Variants in CABIN1 observed in about 807,000 individuals in gnomAD.
CABIN1 encodes the protein calcineurin binding protein 1, also known as calcineurin-binding protein cabin-1.
In CABIN1, 133 loss-of-function variants were observed where a neutral mutation model predicts 227.7. The ratio of observed to expected loss-of-function variants is 0.58; its 90% CI spans 0.51 to 0.67. The LOEUF (loss-of-function observed/expected upper bound fraction) is 0.67. CABIN1 is among the 30% of genes least tolerant of loss of function. The probability of loss-of-function intolerance (pLI) is 0.00; values close to 1 mark genes in which losing one functional copy is unlikely to be tolerated. For synonymous variants in CABIN1, 1,086 were observed against 1,155.1 expected (o/e 0.94, Z 1.21); for missense variants, 2,408 against 2,852.5 (o/e 0.84, Z 3.55).
intron 33 of CABIN1, among the ~76,000 whole-genome samples, chr22:24,170,490 G>C (rs1163509694): frequency 6.6e-6 from 1 of 152,176 alleles, no homozygotes; most frequent in African/African-American, 2.4e-5. Flanking sequence ...CACGCTGCCA[G>C]CTAGGCTGCT....
chr22:24,130,653 C>A (rs1183766964), intron 28 of CABIN1, among the ~76,000 whole-genome samples: 3 of 152,120 alleles, frequency 2.0e-5, no homozygotes, highest in Non-Finnish European at 4.4e-5. Flanking sequence ...TCTGCCCCCT[C>A]CCCTACCCCA....
At chr22:24,141,318 A>G (rs2044743828) in intron 29 of CABIN1, among the ~76,000 whole-genome samples, 1 of 151,806 alleles carries the variant, frequency 6.6e-6, no homozygotes, top group African/African-American at 2.4e-5. Context: ...TGGTGGTCAA[A>G]CTTCCTGTTC....
chr22:24,050,816 T>C lies in CABIN1; in HGVS notation c.657-9T>C. 6.2e-7 allele frequency: 1 copy of C among 1,614,208 alleles called. No homozygotes were observed. The highest frequency in any genetic ancestry group is 8.5e-7 in the Non-Finnish European group (1 of 1,180,018). ...CATGATAATTTCTCCCTGTCTCACA[T>C]GCTTTTAGTGACATGTCGATTCACG... is the stretch of plus-strand genomic sequence containing the variant. On this transcript the variant is annotated splice_polypyrimidine_tract_variant and intron_variant, in intron 7 of 36. Transcript: ENST00000263119.
intron 5 of CABIN1, 125 bp downstream of exon 5, chr22:24,041,398 A>G: frequency 8.2e-7 from 1 of 1,218,784 alleles, no homozygotes. Flanking sequence ...TATAGTACCC[A>G]AGGCTCTAGG....
At chr22:24,123,832 G>T (rs1164835457) in intron 28 of CABIN1, among the ~76,000 whole-genome samples, 2 of 152,256 alleles carry the variant, frequency 1.3e-5, no homozygotes, top group East Asian at 1.9e-4. Context: ...CTGCCTGTGG[G>T]CTTGGCAGTG....
intron 15 of CABIN1, among the ~76,000 whole-genome samples, chr22:24,065,879 C>T (rs959484092): frequency 6.6e-5 from 10 of 152,348 alleles, no homozygotes; most frequent in Admixed American, 4.6e-4. Flanking sequence ...CGGCGCACGC[C>T]TGCAATCGCA....
rs2042343441 is a variant in CABIN1, at chr22:24,103,666, CA to C, written c.4117+5475del. On this transcript the variant is annotated intron_variant, in intron 26 of 36. Transcript: ENST00000263119. Reference sequence around the variant, plus strand: ...CTGCTTGTTCCTGACGGGCAGGGGACAGGGGAGGCTGTCAGCGAAGAGCCAC... The same window carrying C: ...CTGCTTGTTCCTGACGGGCAGGGGACGGGGAGGCTGTCAGCGAAGAGCCAC... Among the ~76,000 whole-genome samples the C allele has an allele frequency of 2.6e-5, 4 of 152,172 alleles. No individual in the cohort carries two copies. In the South Asian group the frequency reaches 6.2e-4, roughly 24 times the overall value.
At chr22:24,134,255 C>G in intron 28 of CABIN1, 47 bp from the exon 29 acceptor site, 1 of 1,465,534 alleles carries the variant, frequency 6.8e-7, no homozygotes, top group South Asian at 1.2e-5. Context: ...TGTGGGCGCC[C>G]TGAGCAGCCC....
chr22:24,067,057 G>A lies in CABIN1; in HGVS notation c.2108G>A (p.Gly703Asp). 1.2e-6 allele frequency: 2 copies of A among 1,614,208 alleles called. No individual in the cohort carries two copies. The highest frequency in any genetic ancestry group is 1.7e-6 in the Non-Finnish European group (2 of 1,180,036). Reference sequence around the variant, plus strand: ...GAGATTCAGCGGCTGTATGAAGCAGGCGACTACAAGGCTGTTGTGCATCTG... The same window carrying A: ...GAGATTCAGCGGCTGTATGAAGCAGACGACTACAAGGCTGTTGTGCATCTG... ...LEEIQRLYEA[G>D]DYKAVVHLLR... The change falls in exon 16 of 37, where the codon GGC becomes GAC. Residue 703 changes from glycine to aspartate, a missense_variant. Physicochemically the swap from Gly to Asp is moderately conservative, Grantham distance 94. Around this residue, in one of 3 missense-constraint regions of CABIN1, gnomAD observed 1,045 missense variants for 1,168.4 expected, o/e 0.89. Coordinates refer to ENST00000263119, the MANE Select transcript of CABIN1 (RefSeq NM_012295.4).
At chr22:24,019,258 G>A (rs757409235) in intron 1 of CABIN1, among the ~76,000 whole-genome samples, 1 of 150,456 alleles carries the variant, frequency 6.6e-6, no homozygotes, top group Admixed American at 6.7e-5. Context: ...AGCCTCCTGA[G>A]TAGCTGGGAT....
intron 19 of CABIN1, among the ~76,000 whole-genome samples, chr22:24,082,085 C>CTTTTT (rs71184946): frequency 4.1e-5 from 5 of 121,180 alleles, no homozygotes; most frequent in Admixed American, 8.9e-5. Context: ...TATTCTCTCT[C>CTTTTT]TTTTTTTTTT....
rs370406612 is a variant in CABIN1, at chr22:24,130,796, T to A, written c.4633-3506T>A. 4.6e-5 allele frequency among the ~76,000 whole-genome samples: 7 copies of A among 152,216 alleles called. No individual in the cohort carries two copies. The East Asian group carries it at 1.2e-3, about 25-fold the overall frequency. On this transcript the variant is annotated intron_variant, in intron 28 of 36. Transcript: ENST00000263119. ...ACTTTGTGCCTTAGCATTGATCAGCTCTCTTTCTCTGGTGGGCCTGGGAGA... is the reference window on the plus strand; with the variant it reads ...ACTTTGTGCCTTAGCATTGATCAGCACTCTTTCTCTGGTGGGCCTGGGAGA...
At position 24,076,328 on chromosome 22, in the gene CABIN1, G is replaced by A. The variant is rs768741281; in HGVS notation, c.2748+44G>A. 7.9e-6 allele frequency: 12 copies of A among 1,510,942 alleles called. No homozygotes were observed. In the East Asian group the frequency reaches 2.5e-4, roughly 31 times the overall value. The allele number at this position is 1,510,942 out of a possible 1,614,324, so 93.6% of individuals were successfully genotyped here. A position where few individuals can be genotyped will look rare whatever the true frequency, so the allele number is the denominator to read the frequency against. ...GCTGCAGACTGCCAGTGCGGGGCAG[G>A]GCTGGGGTGGGAGGTGGAATGGGAA... is the stretch of plus-strand genomic sequence containing the variant. On this transcript the variant is annotated intron_variant, in intron 19 of 36. Transcript: ENST00000263119.
chr22:24,091,808 C>T lies in CABIN1; in HGVS notation c.3751C>T (p.His1251Tyr). The T allele has an allele frequency of 1.9e-6, 3 of 1,613,814 alleles. No homozygotes were observed. Among genetic ancestry groups the T allele is most frequent in the Non-Finnish European group, 2.5e-6 (3 of 1,179,922 alleles). The change falls in exon 24 of 37, where the codon CAC becomes TAC. Residue 1251 changes from histidine (H) to tyrosine (Y), a missense_variant. Physicochemically the swap from His to Tyr is moderately conservative, Grantham distance 83. This residue lies in a region of CABIN1 where 649 missense variants were observed against 910.3 expected (regional missense o/e 0.71). Transcript: ENST00000263119. Reference sequence around the variant, plus strand: ...CCGCTACCCCAAGAAGATCCACTACCACAACCCACCTGAGCTGGCCATGGA... The same window carrying T: ...CCGCTACCCCAAGAAGATCCACTACTACAACCCACCTGAGCTGGCCATGGA... ...AARYPKKIHY[H>Y]NPPELAMEAL...
intron 33 of CABIN1, among the ~76,000 whole-genome samples, chr22:24,170,751 T>TGC (rs2046753935): frequency 8.2e-6 from 1 of 121,804 alleles, no homozygotes; most frequent in Non-Finnish European, 1.6e-5. Context: ...GGTAGCAAAC[T>TGC]GCCCCCCCCC....
chr22:24,101,287 G>C (rs1042914053), intron 26 of CABIN1, among the ~76,000 whole-genome samples: 1 of 152,202 alleles, frequency 6.6e-6, no homozygotes, highest in African/African-American at 2.4e-5. Context: ...ATTTAGAAAA[G>C]ATTTAGAAAA....
At chr22:24,113,356 G>A (rs185132278) in intron 26 of CABIN1, among the ~76,000 whole-genome samples, 1 of 152,222 alleles carries the variant, frequency 6.6e-6, no homozygotes, top group Non-Finnish European at 1.5e-5. Flanking sequence ...AACCCCAGGA[G>A]GGTTGACCAT....
chr22:24,146,423 C>T (rs897932511), intron 29 of CABIN1, among the ~76,000 whole-genome samples: 4 of 152,236 alleles, frequency 2.6e-5, no homozygotes, highest in Non-Finnish European at 5.9e-5. Context: ...TTGCACAGCC[C>T]CCGTGTTCAG....
rs1269387821 is a variant in CABIN1 at position 24,176,065 on chromosome 22, CG to C, written c.6041-42del. ...CCTGACACAGATGCGTTGGAGCCTG[CG>C]GGGTGGATGAGTCTATTACCTGCAG... On this transcript the variant is annotated intron_variant, in intron 34 of 36. Coordinates refer to ENST00000263119, the MANE Select transcript of CABIN1 (RefSeq NM_012295.4). 2.5e-6 allele frequency: 4 copies of C among 1,583,640 alleles called. No homozygotes were observed. In the East Asian group the frequency reaches 6.9e-5, roughly 27 times the overall value.
Sources: allele counts gnomAD v4.1 joint callset (sites outside exome capture counted in the v4.1 genomes callset), GRCh38; gene constraint gnomAD v4.1.1; regional missense constraint gnomAD v4.1.1; transcripts MANE v1.5; gene names NCBI Gene and HGNC (gene_info 2026-07-23, HGNC 2026-07-21).